Variants in STAG1 observed in about 807,000 individuals in gnomAD.
STAG1 encodes the protein cohesin subunit SA-1.
Under a neutral mutation model 170.9 loss-of-function variants are expected in STAG1, and 26 were observed. That is an observed-to-expected ratio of 0.15 (90% CI 0.11 to 0.21). The LOEUF is 0.21. Among genes scored for constraint, STAG1 ranks in the 10% least tolerant of loss-of-function variants. The pLI, the probability that STAG1 is intolerant of heterozygous loss-of-function variation, is 1.00. For missense variants in STAG1, 964 were observed against 1,509.5 expected, an observed-to-expected ratio of 0.64 and a Z score of 5.99; for synonymous variants, 514 against 497.7, an observed-to-expected ratio of 1.03 and a Z score of -0.44.
chr3:136,415,339 A>C (rs980160211), intron 21 of STAG1, among the ~76,000 whole-genome samples: 1 of 151,770 alleles, frequency 6.6e-6, no homozygotes, highest in South Asian at 2.1e-4. Context: ...ACAAACAAAA[A>C]AGTCAAACAT....
chr3:136,553,727 T>C (rs1447786191), intron 5 of STAG1, among the ~76,000 whole-genome samples: 5 of 152,230 alleles, frequency 3.3e-5, no homozygotes, highest in African/African-American at 1.2e-4. Flanking sequence ...TGAGCCAAGA[T>C]CGCGCCACTG....
chr3:136,454,477 C>G (rs1247286701), intron 13 of STAG1, among the ~76,000 whole-genome samples: 3 of 152,056 alleles, frequency 2.0e-5, no homozygotes, highest in Non-Finnish European at 2.9e-5. Flanking sequence ...CTCCTGGGCT[C>G]AAGAGATTCT....
chr3:136,520,070 T>C (rs1429588926), intron 7 of STAG1, among the ~76,000 whole-genome samples: 1 of 152,038 alleles, frequency 6.6e-6, no homozygotes, highest in Non-Finnish European at 1.5e-5. Context: ...AAAATGAGAA[T>C]TGGGAAAAAA....
At chr3:136,416,152 T>G (rs1285333672) in intron 21 of STAG1, among the ~76,000 whole-genome samples, 1 of 151,932 alleles carries the variant, frequency 6.6e-6, no homozygotes, top group Non-Finnish European at 1.5e-5. Flanking sequence ...GGACTACAGG[T>G]GCCCGCCACC....
chr3:136,597,284 T>C (rs953090202), intron 4 of STAG1, among the ~76,000 whole-genome samples: 4 of 152,208 alleles, frequency 2.6e-5, no homozygotes, highest in Non-Finnish European at 2.9e-5. Flanking sequence ...TAATGTTATA[T>C]TCTTAGTAAA....
intron 21 of STAG1, among the ~76,000 whole-genome samples, chr3:136,405,255 T>C (rs2087446706): frequency 7.7e-6 from 1 of 129,624 alleles, no homozygotes; most frequent in Non-Finnish European, 1.6e-5. Context: ...TTTTTTTTTT[T>C]TTTTCAGACG....
intron 1 of STAG1, among the ~76,000 whole-genome samples, chr3:136,682,380 A>G (rs1261683557): frequency 6.6e-6 from 1 of 151,566 alleles, no homozygotes; most frequent in Non-Finnish European, 1.5e-5. Context: ...AGCCAAGATC[A>G]TGCCACTACA....
intron 4 of STAG1, among the ~76,000 whole-genome samples, chr3:136,575,527 T>C (rs546610788): frequency 1.3e-5 from 2 of 152,282 alleles, no homozygotes; most frequent in African/African-American, 4.8e-5. Context: ...CCAATGTGGA[T>C]TGTCTCTATC....
In STAG1 at chr3:136,411,949, G is replaced by A. The variant is rs927113509; in HGVS notation, c.2196+5936C>T. Among the ~76,000 whole-genome samples the A allele has an allele frequency of 3.9e-5, 6 of 152,022 alleles. No individual in the cohort carries two copies. The South Asian group carries it at 6.2e-4, about 16-fold the overall frequency. On this transcript the variant is annotated intron_variant, in intron 21 of 33. Transcript: ENST00000383202. ...ATTACAGGCATGGACCACCACGCCC[G>A]GCTAATTGTGTATTTTTAGTAGAGA...
At chr3:136,467,569 G>A (rs1159817937) in intron 12 of STAG1, among the ~76,000 whole-genome samples, 2 of 151,984 alleles carry the variant, frequency 1.3e-5, no homozygotes, top group East Asian at 1.9e-4. Context: ...GGGAGACTCT[G>A]ACACCCCACT....
intron 6 of STAG1, among the ~76,000 whole-genome samples, chr3:136,529,650 G>A (rs1419467660): frequency 2.6e-5 from 4 of 152,114 alleles, no homozygotes; most frequent in Non-Finnish European, 5.9e-5. Flanking sequence ...AAATGCTCAA[G>A]AGAGTCCTAA....
At chr3:136,706,739 G>C (rs1482001011) in intron 1 of STAG1, among the ~76,000 whole-genome samples, 1 of 152,076 alleles carries the variant, frequency 6.6e-6, no homozygotes, top group Non-Finnish European at 1.5e-5. Context: ...GAATTGCAAG[G>C]GGTCCCAAAC....
At chr3:136,751,172 GTT>G (rs776717703) in intron 1 of STAG1, among the ~76,000 whole-genome samples, 2 of 136,160 alleles carry the variant, frequency 1.5e-5, no homozygotes, top group East Asian at 4.4e-4. Context: ...GACAAATTGC[GTT>G]TTTTTTTTTT....
At chr3:136,736,521 G>A (rs1419675154) in intron 1 of STAG1, 20 of 1,440,918 alleles carry the variant, frequency 1.4e-5, no homozygotes, top group African/African-American at 9.8e-5. Context: ...TTTTACTTTC[G>A]GTGGTCTCAG....
At chr3:136,441,315 G>A (rs1315520563) in intron 15 of STAG1, among the ~76,000 whole-genome samples, 2 of 152,238 alleles carry the variant, frequency 1.3e-5, no homozygotes, top group African/African-American at 2.4e-5. Context: ...TTACAGGCGT[G>A]AGCCACCACA....
intron 6 of STAG1, among the ~76,000 whole-genome samples, chr3:136,536,255 A>C (rs1293284023): frequency 1.3e-5 from 2 of 152,170 alleles, no homozygotes. Flanking sequence ...AGGCCCATTA[A>C]AAAACTACTA....
chr3:136,461,411 A>G (rs2089269647), intron 13 of STAG1, among the ~76,000 whole-genome samples: 1 of 152,196 alleles, frequency 6.6e-6, no homozygotes, highest in South Asian at 2.1e-4. Context: ...GCATAATCTT[A>G]TATTTAGAAA....
intron 1 of STAG1, among the ~76,000 whole-genome samples, chr3:136,660,139 C>T (rs1179882114): frequency 6.6e-6 from 1 of 152,122 alleles, no homozygotes; most frequent in Non-Finnish European, 1.5e-5. Flanking sequence ...ACAGAAAAGA[C>T]ATTCTACTAT....
chr3:136,469,199 C>T (rs1306775296), intron 12 of STAG1, among the ~76,000 whole-genome samples: 2 of 152,144 alleles, frequency 1.3e-5, no homozygotes, highest in Non-Finnish European at 2.9e-5. Context: ...GTCAAATTGT[C>T]CCTGTTTGCA....
Sources: allele counts gnomAD v4.1 joint callset (sites outside exome capture counted in the v4.1 genomes callset), GRCh38; gene constraint gnomAD v4.1.1; transcripts MANE v1.5; gene names NCBI Gene and HGNC (gene_info 2026-07-23, HGNC 2026-07-21).